Variants in CTTNBP2NL observed in about 807,000 individuals in gnomAD.
CTTNBP2NL encodes CTTNBP2 N-terminal-like protein.
CTTNBP2NL carries 16 observed loss-of-function variants against 32.5 expected under a neutral mutation model. The observed-to-expected ratio is 0.49, with a 90% CI of 0.33 to 0.75. The LOEUF (loss-of-function observed/expected upper bound fraction) is 0.75. Among genes scored for constraint, CTTNBP2NL ranks in the 30% least tolerant of loss-of-function variants. The probability of loss-of-function intolerance (pLI) is 0.02; values close to 1 mark genes in which losing one functional copy is unlikely to be tolerated. For synonymous variants in CTTNBP2NL, 298 were observed against 289.4 expected (o/e 1.03, Z -0.30); for missense variants, 645 against 756.0 (o/e 0.85, Z 1.72).
chr1:112,409,575 TAGAC>T (rs1422109012), intron 1 of CTTNBP2NL, among the ~76,000 whole-genome samples: 1 of 152,164 alleles, frequency 6.6e-6, no homozygotes, highest in Non-Finnish European at 1.5e-5. Context: ...ACCCAGATAA[TAGAC>T]AGACAAACAT....
chr1:112,406,123 G>A (rs1648656932), intron 1 of CTTNBP2NL, among the ~76,000 whole-genome samples: 1 of 151,936 alleles, frequency 6.6e-6, no homozygotes, highest in Non-Finnish European at 1.5e-5. Flanking sequence ...GGCGGAGGTT[G>A]CAGTGAGCCG....
chr1:112,392,389 A>C (rs1460406469), upstream of CTTNBP2NL, among the ~76,000 whole-genome samples: 2 of 152,230 alleles, frequency 1.3e-5, no homozygotes, highest in Admixed American at 6.5e-5. Context: ...AGCATATATC[A>C]TTATATTAAA....
In CTTNBP2NL at chr1:112,461,146, TAAAG is replaced by T. The variant is rs1326788141; in HGVS notation, c.*3735_*3738del. The T allele has an allele frequency of 6.6e-6, 1 of 152,022 alleles. No individual in the cohort carries two copies. Among genetic ancestry groups the T allele is most frequent in the Non-Finnish European group, 1.5e-5 (1 of 68,004 alleles). 9.4% of individuals were successfully genotyped at this position (152,022 alleles called of 1,614,324 possible). On this transcript the variant is annotated 3_prime_UTR_variant, in exon 6 of 6. Coordinates refer to ENST00000271277, the MANE Select transcript of CTTNBP2NL (RefSeq NM_018704.3). ...TCAGTGGCCAATTCATTAGTAAAAATAAAGGAGGGGAAAGGAGACTGGAGTAGTG... is the reference window on the plus strand; with the variant it reads ...TCAGTGGCCAATTCATTAGTAAAAATGAGGGGAAAGGAGACTGGAGTAGTG...
At chr1:112,430,717 C>A (rs1649546979) in intron 3 of CTTNBP2NL, among the ~76,000 whole-genome samples, 1 of 152,046 alleles carries the variant, frequency 6.6e-6, no homozygotes, top group Non-Finnish European at 1.5e-5. Flanking sequence ...CCTTGTCCAG[C>A]TAATTTTTTT....
At chr1:112,437,035 A>G (rs1040079439) in intron 3 of CTTNBP2NL, among the ~76,000 whole-genome samples, 9 of 152,118 alleles carry the variant, frequency 5.9e-5, no homozygotes, top group African/African-American at 2.2e-4. Flanking sequence ...TTCTTTATTC[A>G]GTCTACCACT....
intron 5 of CTTNBP2NL, 134 bp from the exon 6 acceptor site, chr1:112,455,797 T>C: frequency 1.6e-6 from 1 of 643,104 alleles, no homozygotes; most frequent in Non-Finnish European, 2.6e-6. Flanking sequence ...GTGTTAGGTG[T>C]TCTAAAATTT....
chr1:112,456,390 A>C lies in CTTNBP2NL; in HGVS notation c.898A>C (p.Thr300Pro), dbSNP rs1363533515. 14 of 1,614,014 alleles carry C rather than the reference A, an allele frequency of 8.7e-6. No individual in the cohort carries two copies. The highest frequency in any genetic ancestry group is 2.5e-6 in the Non-Finnish European group (3 of 1,180,048). ...GAAACCAGTAACCGTGTCCAAAGGC[A>C]CAGCAACTGAGCCTCTCATGCTAAT... ...LKKPVTVSKG[T>P]ATEPLMLMSV... Residue 300 changes from threonine (T) to proline (P), a missense_variant, in exon 6 of 6, where the codon ACA becomes CCA. Thr to Pro is a conservative substitution (Grantham distance 38). Coordinates refer to ENST00000271277, the MANE Select transcript of CTTNBP2NL (RefSeq NM_018704.3).
chr1:112,408,667 G>A (rs952918139), intron 1 of CTTNBP2NL, among the ~76,000 whole-genome samples: 4 of 151,870 alleles, frequency 2.6e-5, no homozygotes, highest in African/African-American at 9.7e-5. Flanking sequence ...TGTAAATGTG[G>A]CAAGTTTCTT....
chr1:112,411,047 C>T (rs1047142938), intron 1 of CTTNBP2NL, among the ~76,000 whole-genome samples: 3 of 152,108 alleles, frequency 2.0e-5, no homozygotes, highest in Non-Finnish European at 4.4e-5. Flanking sequence ...TAATTCTGCC[C>T]ATATATTGGG....
At chr1:112,430,203 T>TG (rs1339624585) in intron 3 of CTTNBP2NL, among the ~76,000 whole-genome samples, 1 of 46,962 alleles carries the variant, frequency 2.1e-5, no homozygotes, top group African/African-American at 4.1e-5. Context: ...TTTCTTTTCT[T>TG]TTCTTTTCTT....
chr1:112,423,075 T>TA (rs1649277538), intron 3 of CTTNBP2NL, among the ~76,000 whole-genome samples: 1 of 152,056 alleles, frequency 6.6e-6, no homozygotes, highest in Non-Finnish European at 1.5e-5. Flanking sequence ...ATTGTAGGCA[T>TA]AGTCACCAAC....
intron 3 of CTTNBP2NL, among the ~76,000 whole-genome samples, chr1:112,422,111 C>T (rs1282581483): frequency 1.3e-5 from 2 of 152,116 alleles, no homozygotes; most frequent in African/African-American, 4.8e-5. Flanking sequence ...TTTTATGCCC[C>T]TTAGTGACCT....
chr1:112,400,432 G>A (rs772575718), intron 1 of CTTNBP2NL, among the ~76,000 whole-genome samples: 2 of 152,110 alleles, frequency 1.3e-5, no homozygotes, highest in Non-Finnish European at 1.5e-5. Flanking sequence ...AGGCCGAAGC[G>A]GGTGGATCGC....
At chr1:112,420,050 A>G (rs1649178933) in intron 3 of CTTNBP2NL, among the ~76,000 whole-genome samples, 1 of 152,076 alleles carries the variant, frequency 6.6e-6, no homozygotes, top group Non-Finnish European at 1.5e-5. Flanking sequence ...TAAGGTTTTT[A>G]TATTTACAGT....
chr1:112,415,122 T>G (rs997356447), intron 2 of CTTNBP2NL, among the ~76,000 whole-genome samples: 1 of 152,072 alleles, frequency 6.6e-6, no homozygotes, highest in Admixed American at 6.6e-5. Flanking sequence ...GCCCAGGAGG[T>G]TGAGGCTGCA....
At chr1:112,420,387 C>T (rs1570724835) in intron 3 of CTTNBP2NL, among the ~76,000 whole-genome samples, 1 of 152,024 alleles carries the variant, frequency 6.6e-6, no homozygotes, top group East Asian at 1.9e-4. Flanking sequence ...TCCTGATCTA[C>T]CCACCTCAGC....
At chr1:112,426,143 A>AT (rs1189655701) in intron 3 of CTTNBP2NL, among the ~76,000 whole-genome samples, 2 of 152,114 alleles carry the variant, frequency 1.3e-5, no homozygotes, top group Non-Finnish European at 2.9e-5. Flanking sequence ...TGTTTATCAG[A>AT]TTAAGGAAAT....
intron 1 of CTTNBP2NL, among the ~76,000 whole-genome samples, chr1:112,405,542 C>T (rs937633785): frequency 1.3e-5 from 2 of 152,192 alleles, no homozygotes; most frequent in African/African-American, 4.8e-5. Flanking sequence ...AGGTGATCTG[C>T]CTGCCTCGGC....
At chr1:112,452,488 G>T (rs922874458) in intron 4 of CTTNBP2NL, among the ~76,000 whole-genome samples, 3 of 151,054 alleles carry the variant, frequency 2.0e-5, no homozygotes, top group African/African-American at 7.4e-5. Context: ...GGGATTACAG[G>T]CATGTGCCAC....
Sources: gnomAD v4.1 joint callset for allele counts (sites outside exome capture counted in the v4.1 genomes callset) on GRCh38, gnomAD v4.1.1 for gene constraint, MANE v1.5 for transcripts, NCBI Gene and HGNC (gene_info 2026-07-23, HGNC 2026-07-21) for gene names.